PLAC1: variants seen among roughly 807,000 people sequenced by gnomAD.
PLAC1 encodes the protein placenta associated 1.
For synonymous variants in PLAC1, 68 were observed against 62.1 expected (o/e 1.09, Z -0.44); for missense variants, 136 against 163.2 (o/e 0.83, Z 0.91).
intron 2 of PLAC1, among the ~76,000 whole-genome samples, chrX:134,574,098 A>T (rs1385676083): frequency 1.8e-5 from 2 of 109,625 alleles, no homozygotes; most frequent in Non-Finnish European, 3.8e-5. Flanking sequence ...TCTCACACAC[A>T]CACACACACA....
intron 2 of PLAC1, among the ~76,000 whole-genome samples, chrX:134,694,364 T>C (rs2078555103): frequency 8.9e-6 from 1 of 112,254 alleles, no homozygotes; most frequent in Non-Finnish European, 1.9e-5. Flanking sequence ...GCTTATATCC[T>C]ATGACCTGTT....
At chrX:134,649,337 T>C (rs1025828215) in intron 1 of PLAC1, among the ~76,000 whole-genome samples, 5 of 110,850 alleles carry the variant, frequency 4.5e-5, no homozygotes, top group Admixed American at 1.9e-4. Context: ...TTACTACACT[T>C]ACTGTTACCT....
chrX:134,649,264 C>CAA (rs898452361), intron 1 of PLAC1, among the ~76,000 whole-genome samples: 775 of 40,308 alleles, frequency 0.019, 16 homozygotes, highest in African/African-American at 0.056. Context: ...GACTCCATCT[C>CAA]AAAAAAAAAA....
chrX:134,642,057 G>T (rs1022904500), intron 1 of PLAC1, among the ~76,000 whole-genome samples: 2 of 111,811 alleles, frequency 1.8e-5, no homozygotes. Flanking sequence ...TTGAAATAAA[G>T]AAGCCCTGGG....
intron 2 of PLAC1, among the ~76,000 whole-genome samples, chrX:134,719,908 A>G (rs1425664023): frequency 8.9e-6 from 1 of 112,162 alleles, no homozygotes; most frequent in Non-Finnish European, 1.9e-5. Context: ...TAATGGTATA[A>G]AACTGTAAGA....
chrX:134,647,751 T>C (rs1000122897), intron 1 of PLAC1, among the ~76,000 whole-genome samples: 5 of 111,444 alleles, frequency 4.5e-5, no homozygotes, highest in African/African-American at 1.6e-4. Flanking sequence ...AGAGGGTGAA[T>C]TTGCCTTCAG....
chrX:134,625,110 A>G, intron 1 of PLAC1, among the ~76,000 whole-genome samples: 1 of 111,685 alleles, frequency 9.0e-6, no homozygotes, highest in Non-Finnish European at 1.9e-5. Flanking sequence ...ACAAATAACC[A>G]AATGAACTCC....
intron 2 of PLAC1, among the ~76,000 whole-genome samples, chrX:134,590,190 A>G (rs926827283): frequency 7.2e-4 from 66 of 91,930 alleles, no homozygotes; most frequent in African/African-American, 2.2e-3. Flanking sequence ...GTGAGACTCC[A>G]TCTCAAAAAT....
chrX:134,721,677 AGAT>A (rs2078657639), intron 2 of PLAC1, among the ~76,000 whole-genome samples: 2 of 109,920 alleles, frequency 1.8e-5, no homozygotes, highest in Admixed American at 9.8e-5. Context: ...AGCTTGGCCA[AGAT>A]GATGAAACCC....
intron 1 of PLAC1, among the ~76,000 whole-genome samples, chrX:134,608,032 C>T (rs772670249): frequency 8.9e-6 from 1 of 111,957 alleles, no homozygotes; most frequent in African/African-American, 3.2e-5. Context: ...CTTCAAGCTG[C>T]AAAAGAAAAA....
chrX:134,758,165 G>GAA (rs201860917), intron 1 of PLAC1, among the ~76,000 whole-genome samples: 1 of 103,818 alleles, frequency 9.6e-6, no homozygotes, highest in African/African-American at 3.5e-5. Context: ...TAGACAAATG[G>GAA]AAAAAAAAAA....
intron 1 of PLAC1, among the ~76,000 whole-genome samples, chrX:134,647,439 TG>T (rs2078339815): frequency 9.1e-6 from 1 of 109,425 alleles, no homozygotes; most frequent in Admixed American, 9.7e-5. Flanking sequence ...TGTGTGTGTG[TG>T]TGTGTGTGTG....
At chrX:134,670,694 G>A (rs1356017220) in intron 2 of PLAC1, among the ~76,000 whole-genome samples, 8 of 112,055 alleles carry the variant, frequency 7.1e-5, no homozygotes. Flanking sequence ...CCAAGTCACA[G>A]TGTAGCCTCC....
At chrX:134,699,511 G>A (rs1461385251) in intron 2 of PLAC1, among the ~76,000 whole-genome samples, 2 of 111,714 alleles carry the variant, frequency 1.8e-5, no homozygotes, top group African/African-American at 6.5e-5. Flanking sequence ...TGAGATGATG[G>A]ATATGTTAAT....
intron 1 of PLAC1, among the ~76,000 whole-genome samples, chrX:134,621,444 CAAAAAAAAAAAAAAAAAAA>C (rs11317429): frequency 1.5e-4 from 5 of 33,854 alleles, no homozygotes; most frequent in Non-Finnish European, 2.4e-4. Context: ...GGCTCTGTCT[CAAAAAAAAAAAAAAAAAAA>C]AAAAAAAAAA....
intron 2 of PLAC1, among the ~76,000 whole-genome samples, chrX:134,724,585 G>A (rs1191607111): frequency 8.9e-6 from 1 of 112,657 alleles, no homozygotes; most frequent in African/African-American, 3.2e-5. Context: ...GGAAAACAAA[G>A]ATAACTACAA....
intron 2 of PLAC1, among the ~76,000 whole-genome samples, chrX:134,687,868 A>ATATATG: frequency 1.7e-5 from 1 of 60,190 alleles, no homozygotes; most frequent in South Asian, 1.2e-3. Flanking sequence ...ATATATATAT[A>ATATATG]GCACCTAGCA....
intron 2 of PLAC1, among the ~76,000 whole-genome samples, chrX:134,728,766 T>C (rs1008906689): frequency 9.0e-6 from 1 of 111,037 alleles, no homozygotes; most frequent in Non-Finnish European, 1.9e-5. Flanking sequence ...ATTTTGTAAC[T>C]CCCTTTTTTC....
chrX:134,712,703 G>GT (rs1341571611), intron 2 of PLAC1, among the ~76,000 whole-genome samples: 1 of 111,236 alleles, frequency 9.0e-6, no homozygotes, highest in Non-Finnish European at 1.9e-5. Context: ...CTGAAAAGCC[G>GT]TATCTACCCA....
Sources: allele counts gnomAD v4.1 joint callset (sites outside exome capture counted in the v4.1 genomes callset), GRCh38; gene constraint gnomAD v4.1.1; transcripts MANE v1.5; gene names NCBI Gene and HGNC (gene_info 2026-07-23, HGNC 2026-07-21).